Variants in MED27 observed in about 807,000 individuals in gnomAD.
MED27 encodes mediator of RNA polymerase II transcription subunit 27.
MED27 carries 30 observed loss-of-function variants against 38.2 expected under a neutral mutation model. The ratio of observed to expected loss-of-function variants is 0.79; its 90% confidence interval spans 0.59 to 1.07. The LOEUF (loss-of-function observed/expected upper bound fraction) is 1.07. MED27 is among the 50% of genes least tolerant of loss of function. MED27 has a pLI of 0.00. For missense variants in MED27, 289 were observed against 397.5 expected, an observed-to-expected ratio of 0.73 and a Z score of 2.32; for synonymous variants, 122 against 153.5, an observed-to-expected ratio of 0.79 and a Z score of 1.52.
intron 2 of MED27, among the ~76,000 whole-genome samples, chr9:132,070,370 A>G (rs1833909348): frequency 6.6e-6 from 1 of 152,200 alleles, no homozygotes; most frequent in Non-Finnish European, 1.5e-5. Context: ...AGCCTGGGCG[A>G]CATAGTGAGA....
intron 3 of MED27, among the ~76,000 whole-genome samples, chr9:131,987,435 C>T (rs914037572): frequency 1.3e-5 from 2 of 151,870 alleles, no homozygotes; most frequent in Non-Finnish European, 2.9e-5. Context: ...GGAGGGGGAG[C>T]GGTGGGAATG....
At chr9:132,030,302 G>A (rs945804101) in intron 2 of MED27, among the ~76,000 whole-genome samples, 2 of 152,180 alleles carry the variant, frequency 1.3e-5, no homozygotes, top group Non-Finnish European at 2.9e-5. Flanking sequence ...CTGCTTCTTT[G>A]AAAAATTCAG....
chr9:132,005,402 G>C (rs928389836), intron 3 of MED27, among the ~76,000 whole-genome samples: 1 of 152,222 alleles, frequency 6.6e-6, no homozygotes, highest in East Asian at 1.9e-4. Flanking sequence ...GTGAGTCTGA[G>C]AGTGTACGCT....
chr9:132,014,851 T>C (rs1832568131), intron 2 of MED27, among the ~76,000 whole-genome samples: 1 of 152,242 alleles, frequency 6.6e-6, no homozygotes, highest in South Asian at 2.1e-4. Context: ...AAATGCTAAC[T>C]GTATTTTTCA....
At chr9:131,929,112 T>C (rs1830532872) in intron 4 of MED27, among the ~76,000 whole-genome samples, 1 of 152,174 alleles carries the variant, frequency 6.6e-6, no homozygotes, top group African/African-American at 2.4e-5. Flanking sequence ...TCTCGACACC[T>C]TGGGCCAGAA....
At chr9:131,880,138 C>T (rs951513539) in intron 6 of MED27, among the ~76,000 whole-genome samples, 1 of 152,134 alleles carries the variant, frequency 6.6e-6, no homozygotes, top group South Asian at 2.1e-4. Context: ...GGCTACACCG[C>T]GCATGCTTCG....
In MED27 at chr9:131,925,732, A is replaced by T. The variant is rs73658155; in HGVS notation, c.573+13649T>A. On this transcript the variant is annotated intron_variant, in intron 4 of 7. Coordinates refer to ENST00000292035, the MANE Select transcript of MED27 (RefSeq NM_004269.4). The stretch of plus-strand genomic sequence containing the variant: ...ATATATGGTGAAGCATCCCCTCCAA[A>T]ACAGGAGAGAGAATGATAAACACGC... Among the ~76,000 whole-genome samples the T allele has an allele frequency of 2.5e-3, 374 of 152,342 alleles. 5 individuals carry two copies. Among genetic ancestry groups the T allele is most frequent in the African/African-American group, 8.7e-3 (360 of 41,578 alleles).
At chr9:132,021,187 A>G (rs1832710274) in intron 2 of MED27, among the ~76,000 whole-genome samples, 1 of 152,194 alleles carries the variant, frequency 6.6e-6, no homozygotes, top group East Asian at 1.9e-4. Context: ...TTTCTTAAAT[A>G]TCTGTAATGG....
chr9:131,961,846 A>T (rs1432846476), intron 3 of MED27, among the ~76,000 whole-genome samples: 2 of 152,198 alleles, frequency 1.3e-5, no homozygotes, highest in African/African-American at 2.4e-5. Context: ...GTGCACCCTT[A>T]GCGCTATTTT....
intron 3 of MED27, among the ~76,000 whole-genome samples, chr9:131,951,312 G>T (rs1194915299): frequency 1.3e-5 from 2 of 152,180 alleles, no homozygotes; most frequent in Non-Finnish European, 1.5e-5. Context: ...TCACACATGT[G>T]GGGGAATGAC....
chr9:132,034,537 G>T (rs1435410749), intron 2 of MED27, among the ~76,000 whole-genome samples: 2 of 152,174 alleles, frequency 1.3e-5, no homozygotes, highest in African/African-American at 4.8e-5. Flanking sequence ...GAATCACAAG[G>T]TACATCTCAC....
At chr9:131,983,333 A>G (rs1224566279) in intron 3 of MED27, among the ~76,000 whole-genome samples, 3 of 152,242 alleles carry the variant, frequency 2.0e-5, no homozygotes, top group African/African-American at 7.2e-5. Flanking sequence ...CTTTAGAAGG[A>G]AAATTTTAAG....
intron 2 of MED27, chr9:132,073,831 T>C: frequency 1.4e-6 from 2 of 1,437,408 alleles, no homozygotes; most frequent in Non-Finnish European, 1.8e-6. Context: ...CAGTAAAAAG[T>C]GACACTTCTG....
At chr9:131,875,200 C>T (rs1005042210) in intron 6 of MED27, among the ~76,000 whole-genome samples, 3 of 152,204 alleles carry the variant, frequency 2.0e-5, no homozygotes, top group Non-Finnish European at 4.4e-5. Flanking sequence ...CAGGATCCTG[C>T]CTACATCAGC....
intron 4 of MED27, among the ~76,000 whole-genome samples, chr9:131,914,957 C>A (rs1830263277): frequency 6.6e-6 from 1 of 152,154 alleles, no homozygotes; most frequent in Non-Finnish European, 1.5e-5. Flanking sequence ...GCGTGGGCAA[C>A]AGGAAGAATC....
At chr9:132,043,616 T>C (rs1276570536) in intron 2 of MED27, among the ~76,000 whole-genome samples, 2 of 152,100 alleles carry the variant, frequency 1.3e-5, no homozygotes, top group African/African-American at 4.8e-5. Context: ...TGAAAATATA[T>C]GCTTCAGAAA....
chr9:132,053,708 C>T (rs953869137), intron 2 of MED27, among the ~76,000 whole-genome samples: 2 of 152,148 alleles, frequency 1.3e-5, no homozygotes, highest in African/African-American at 4.8e-5. Context: ...CCACACTCCC[C>T]ATCTTCCTGC....
At chr9:131,911,201 G>A (rs1288407092) in intron 4 of MED27, among the ~76,000 whole-genome samples, 1 of 152,150 alleles carries the variant, frequency 6.6e-6, no homozygotes, top group Non-Finnish European at 1.5e-5. Context: ...ATGAGCAAGT[G>A]ATCCTTCCTT....
At chr9:132,065,878 G>T (rs889901659) in intron 2 of MED27, among the ~76,000 whole-genome samples, 11 of 152,228 alleles carry the variant, frequency 7.2e-5, no homozygotes, top group Non-Finnish European at 1.3e-4. Flanking sequence ...TGGACATTCT[G>T]CTGACATTCC....
Sources: allele counts gnomAD v4.1 joint callset (sites outside exome capture counted in the v4.1 genomes callset), GRCh38; gene constraint gnomAD v4.1.1; transcripts MANE v1.5; gene names NCBI Gene and HGNC (gene_info 2026-07-23, HGNC 2026-07-21).